GUCY1A2: variants seen among roughly 807,000 people sequenced by gnomAD.
The protein encoded by GUCY1A2 is guanylate cyclase soluble subunit alpha-2.
GUCY1A2 carries 27 observed loss-of-function variants against 63.5 expected under a neutral mutation model. The ratio of observed to expected loss-of-function variants is 0.43; its 90% CI spans 0.31 to 0.59. GUCY1A2 has a LOEUF of 0.59. Ranked by LOEUF, GUCY1A2 falls within the 20% of genes least tolerant of loss-of-function variation. GUCY1A2 has a pLI of 0.11. For synonymous variants in GUCY1A2, 364 were observed against 343.5 expected (o/e 1.06, Z -0.66); for missense variants, 768 against 913.3 (o/e 0.84, Z 2.05).
At chr11:107,003,523 T>C (rs1490480170) in intron 1 of GUCY1A2, among the ~76,000 whole-genome samples, 1 of 152,190 alleles carries the variant, frequency 6.6e-6, no homozygotes, top group Non-Finnish European at 1.5e-5. Flanking sequence ...AAAGTAACTA[T>C]CTTCAATCAC....
intron 4 of GUCY1A2, among the ~76,000 whole-genome samples, chr11:106,874,471 TCAAAG>T (rs1180058520): frequency 6.6e-6 from 1 of 152,184 alleles, no homozygotes; most frequent in East Asian, 1.9e-4. Flanking sequence ...TGTCACAGTC[TCAAAG>T]CAGAGTTGTT....
intron 4 of GUCY1A2, among the ~76,000 whole-genome samples, chr11:106,828,973 C>A (rs1859013936): frequency 6.6e-6 from 1 of 152,150 alleles, no homozygotes; most frequent in African/African-American, 2.4e-5. Flanking sequence ...TAAAGGGGCC[C>A]TTACATTTTC....
At chr11:106,967,988 C>T (rs908930769) in intron 3 of GUCY1A2, among the ~76,000 whole-genome samples, 2 of 152,148 alleles carry the variant, frequency 1.3e-5, no homozygotes, top group Non-Finnish European at 2.9e-5. Context: ...AAGGCAACAA[C>T]CCACTTTCAG....
At chr11:106,703,823 ATTAC>A (rs1862859564) in intron 7 of GUCY1A2, among the ~76,000 whole-genome samples, 1 of 151,938 alleles carries the variant, frequency 6.6e-6, no homozygotes, top group African/African-American at 2.4e-5. Context: ...CATATATATG[ATTAC>A]TTATTAAGTA....
At chr11:106,728,400 T>G (rs1460864028) in intron 6 of GUCY1A2, among the ~76,000 whole-genome samples, 1 of 152,196 alleles carries the variant, frequency 6.6e-6, no homozygotes, top group African/African-American at 2.4e-5. Flanking sequence ...TAGTAGACTC[T>G]GACAATTCTC....
chr11:106,817,620 TA>T (rs1337594957), intron 4 of GUCY1A2, among the ~76,000 whole-genome samples: 1 of 152,016 alleles, frequency 6.6e-6, no homozygotes, highest in African/African-American at 2.4e-5. Context: ...AGGGTTTTAG[TA>T]TCCAAAATAT....
At chr11:106,886,110 G>A (rs553652937) in intron 4 of GUCY1A2, among the ~76,000 whole-genome samples, 1 of 152,254 alleles carries the variant, frequency 6.6e-6, no homozygotes, top group African/African-American at 2.4e-5. Flanking sequence ...CCACTATTAA[G>A]TGGGTACACT....
intron 4 of GUCY1A2, among the ~76,000 whole-genome samples, chr11:106,930,154 T>C (rs1297762782): frequency 6.6e-6 from 1 of 152,178 alleles, no homozygotes; most frequent in East Asian, 1.9e-4. Context: ...GTAGTAAACA[T>C]ATTTGTGGAA....
In GUCY1A2 at chr11:106,896,661, C is replaced by T. The variant is rs527895315; in HGVS notation, c.1206+42799G>A. On this transcript the variant is annotated intron_variant, in intron 4 of 7. Transcript: ENST00000526355. ...GTGAAAAAAGTGCTCTCTTGCTATT[C>T]CATCCCTTCTGCCACATGAGGATGC... 3.3e-5 allele frequency among the ~76,000 whole-genome samples: 5 copies of T among 152,256 alleles called. No individual in the cohort carries two copies. In the East Asian group the frequency reaches 9.7e-4, roughly 29 times the overall value.
At chr11:106,725,707 A>G (rs998304211) in intron 6 of GUCY1A2, among the ~76,000 whole-genome samples, 1 of 152,124 alleles carries the variant, frequency 6.6e-6, no homozygotes, top group Non-Finnish European at 1.5e-5. Context: ...CCATTGATGG[A>G]GGTTAGTAAT....
At chr11:106,885,039 G>C (rs1859880104) in intron 4 of GUCY1A2, among the ~76,000 whole-genome samples, 1 of 152,044 alleles carries the variant, frequency 6.6e-6, no homozygotes, top group Admixed American at 6.6e-5. Flanking sequence ...AAAGTACTTT[G>C]TACTAATCTG....
intron 4 of GUCY1A2, among the ~76,000 whole-genome samples, chr11:106,909,044 G>A (rs555218838): frequency 6.4e-4 from 97 of 152,056 alleles, no homozygotes; most frequent in Non-Finnish European, 1.1e-3. Flanking sequence ...CAGGAATAGT[G>A]CGGAATGAAT....
intron 4 of GUCY1A2, among the ~76,000 whole-genome samples, chr11:106,876,362 T>C (rs1859748619): frequency 6.6e-6 from 1 of 152,020 alleles, no homozygotes; most frequent in African/African-American, 2.4e-5. Flanking sequence ...CAAAAACAGA[T>C]ACAATATAAA....
chr11:106,719,475 CA>C (rs1863276205), intron 6 of GUCY1A2, among the ~76,000 whole-genome samples: 1 of 151,988 alleles, frequency 6.6e-6, no homozygotes, highest in Non-Finnish European at 1.5e-5. Context: ...AGAGAAAAAA[CA>C]ATGCATTTGA....
chr11:106,763,652 A>C (rs186986621), intron 6 of GUCY1A2, among the ~76,000 whole-genome samples: 264 of 152,264 alleles, frequency 1.7e-3, no homozygotes, highest in Non-Finnish European at 2.0e-3. Context: ...TTAAGTGACC[A>C]GATGTTTGGG....
intron 1 of GUCY1A2, among the ~76,000 whole-genome samples, chr11:106,992,641 T>C (rs1290361804): frequency 6.6e-6 from 1 of 152,104 alleles, no homozygotes; most frequent in African/African-American, 2.4e-5. Context: ...GAACATGTCA[T>C]CTCTTAGGAA....
chr11:106,863,613 A>G (rs111360317), intron 4 of GUCY1A2, among the ~76,000 whole-genome samples: 63 of 152,188 alleles, frequency 4.1e-4, no homozygotes, highest in African/African-American at 1.4e-3. Flanking sequence ...TGTCTTGGCT[A>G]TATGGGCTCT....
At chr11:106,736,148 TG>T (rs1863585811) in intron 6 of GUCY1A2, among the ~76,000 whole-genome samples, 1 of 152,136 alleles carries the variant, frequency 6.6e-6, no homozygotes, top group Non-Finnish European at 1.5e-5. Context: ...GTGATCCTAT[TG>T]GTCCATTTTT....
intron 1 of GUCY1A2, among the ~76,000 whole-genome samples, chr11:107,017,438 A>G (rs1861838487): frequency 6.6e-6 from 1 of 152,206 alleles, no homozygotes; most frequent in Non-Finnish European, 1.5e-5. Flanking sequence ...GTGGGTGTGA[A>G]GCAGCACTGG....
Sources: gnomAD v4.1 joint callset for allele counts (sites outside exome capture counted in the v4.1 genomes callset) on GRCh38, gnomAD v4.1.1 for gene constraint, MANE v1.5 for transcripts, NCBI Gene and HGNC (gene_info 2026-07-23, HGNC 2026-07-21) for gene names.